The following CAPN8 variants were observed in gnomAD, a reference collection of about 807,000 sequenced individuals.
The protein encoded by CAPN8 is calpain 8, also known as calpain-8.
Under a neutral mutation model 80.9 loss-of-function variants are expected in CAPN8, and 87 were observed. The observed-to-expected ratio is 1.07, with a 90% CI of 0.90 to 1.28. The LOEUF is 1.28. Ranked by LOEUF, CAPN8 falls within the 50% of genes most tolerant of loss-of-function variation. CAPN8 has a pLI of 0.00. For synonymous variants in CAPN8, 299 were observed against 273.8 expected, an observed-to-expected ratio of 1.09 and a Z score of -0.91; for missense variants, 757 against 702.0, an observed-to-expected ratio of 1.08 and a Z score of -0.89.
At chr1:223,545,477 C>A in intron 16 of CAPN8, 178 bp from the exon 17 acceptor site, 2 of 1,010,760 alleles carry the variant, frequency 2.0e-6, no homozygotes, top group Non-Finnish European at 2.8e-6. Flanking sequence ...AAAAGTCAAA[C>A]GTGCACCAAG....
intron 2 of CAPN8, chr1:223,642,820 C>A (rs1445234793): frequency 6.6e-6 from 3 of 456,318 alleles, no homozygotes; most frequent in South Asian, 1.5e-5. Flanking sequence ...GGCCAATTCT[C>A]ATCCATCTCG....
intron 2 of CAPN8, among the ~76,000 whole-genome samples, chr1:223,632,995 C>T (rs1404663200): frequency 1.3e-5 from 2 of 152,184 alleles, no homozygotes; most frequent in Non-Finnish European, 2.9e-5. Context: ...GCTTGCAATC[C>T]CAAGGCTGCA....
chr1:223,558,495 G>A (rs1474894577), intron 12 of CAPN8, among the ~76,000 whole-genome samples: 1 of 152,186 alleles, frequency 6.6e-6, no homozygotes, highest in Non-Finnish European at 1.5e-5. Flanking sequence ...TTCCCCAGAA[G>A]GGTGATCCCT....
intron 3 of CAPN8, among the ~76,000 whole-genome samples, chr1:223,628,441 A>G (rs1233323445): frequency 6.6e-6 from 1 of 152,218 alleles, no homozygotes; most frequent in Non-Finnish European, 1.5e-5. Flanking sequence ...CCTGAAGGCC[A>G]CGTGGCCTAG....
rs1491478999 is a variant in CAPN8 at position 223,629,230 on chromosome 1, GTT to G, written c.308-452_308-451del. ...TGTGTGTGTGTGTGTGTGTGTGTGT[GTT>G]TATGTTCCTTGCCCCTCCTGACCTT... is the stretch of plus-strand genomic sequence containing the variant. On this transcript the variant is annotated intron_variant, in intron 2 of 20. Coordinates refer to ENST00000366872, the MANE Select transcript of CAPN8 (RefSeq NM_001143962.2). Among the ~76,000 whole-genome samples the G allele has an allele frequency of 1.2e-3, 137 of 116,082 alleles. 1 individual carries two copies. Among genetic ancestry groups the G allele is most frequent in the East Asian group, 5.9e-3 (28 of 4,766 alleles). 76.2% of individuals were successfully genotyped at this position (116,082 alleles called of 152,430 possible).
At chr1:223,545,134 C>A in intron 17 of CAPN8, 97 bp downstream of exon 17, 2 of 1,534,730 alleles carry the variant, frequency 1.3e-6, no homozygotes, top group Middle Eastern at 3.4e-4. Context: ...TAGTTTTGAC[C>A]ATGATTAAGG....
At chr1:223,663,996 C>T (rs1658719924) in intron 1 of CAPN8, among the ~76,000 whole-genome samples, 1 of 152,234 alleles carries the variant, frequency 6.6e-6, no homozygotes, top group African/African-American at 2.4e-5. Context: ...CATAGCCCCT[C>T]TCCTGAGACG....
intron 1 of CAPN8, among the ~76,000 whole-genome samples, chr1:223,661,803 G>GTCATATC (rs1398730368): frequency 6.6e-6 from 1 of 152,142 alleles, no homozygotes; most frequent in Non-Finnish European, 1.5e-5. Context: ...CCAGCCATGG[G>GTCATATC]TCATATCTTT....
At chr1:223,612,128 TGA>T in intron 11 of CAPN8, 116 bp downstream of exon 11, 1 of 854,892 alleles carries the variant, frequency 1.2e-6, no homozygotes, top group Non-Finnish European at 1.6e-6. Flanking sequence ...CTGGATCATG[TGA>T]GAGCTGTGGA....
chr1:223,617,915 C>T, intron 9 of CAPN8: 1 of 257,308 alleles, frequency 3.9e-6, no homozygotes, highest in Non-Finnish European at 7.5e-6. Flanking sequence ...CCTCTCTGTT[C>T]AGCACTCTGG....
chr1:223,621,288 G>A (rs1373964776), intron 7 of CAPN8, among the ~76,000 whole-genome samples: 1 of 148,618 alleles, frequency 6.7e-6, no homozygotes, highest in Non-Finnish European at 1.5e-5. Context: ...TCCCTGGGCT[G>A]AGCTTAGGGA....
rs1245535744 is a variant in CAPN8, at chr1:223,651,983, C to T, written c.307+2347G>A. 2.6e-5 allele frequency among the ~76,000 whole-genome samples: 4 copies of T among 152,308 alleles called. No homozygotes were observed. The South Asian group carries it at 6.2e-4, about 24-fold the overall frequency. ...AGGCAGTGAGCAACGGAGTCAGTGGCGTCAACTGGAGACAGTGGGAAACAG... is the reference window on the plus strand; with the variant it reads ...AGGCAGTGAGCAACGGAGTCAGTGGTGTCAACTGGAGACAGTGGGAAACAG... On this transcript the variant is annotated intron_variant, in intron 2 of 20. Transcript: ENST00000366872.
At chr1:223,646,840 G>C (rs1261627229) in intron 2 of CAPN8, among the ~76,000 whole-genome samples, 3 of 152,148 alleles carry the variant, frequency 2.0e-5, no homozygotes, top group African/African-American at 7.2e-5. Context: ...CCTAACACTG[G>C]GGTCTGTGAA....
chr1:223,648,904 A>G (rs1658267844), intron 2 of CAPN8, among the ~76,000 whole-genome samples: 1 of 152,192 alleles, frequency 6.6e-6, no homozygotes, highest in Non-Finnish European at 1.5e-5. Flanking sequence ...GAGACAGAGA[A>G]AGAAACCCCA....
intron 1 of CAPN8, among the ~76,000 whole-genome samples, chr1:223,658,529 A>G (rs1289885453): frequency 6.6e-6 from 1 of 152,102 alleles, no homozygotes; most frequent in African/African-American, 2.4e-5. Flanking sequence ...TGGGCTGGGC[A>G]TGGTGGCTTA....
Position 223,549,347 on chromosome 1 carries a change from T to A in CAPN8, c.1735A>T (p.Thr579Ser), listed in dbSNP as rs769529028. The A allele has an allele frequency of 9.0e-6, 14 of 1,551,570 alleles. No individual in the cohort carries two copies. In the South Asian group the frequency reaches 1.7e-4, roughly 18 times the overall value. The change falls in exon 16 of 21, where the codon ACT becomes TCT. Residue 579 changes from threonine to serine, a missense_variant. Coordinates refer to ENST00000366872, the MANE Select transcript of CAPN8 (RefSeq NM_001143962.2). ...AACAGACTGATCATTTCCCTGCAAG[T>A]GTTGATGTTGAATCCATCGAATTTT... ...DIKFDGFNINTCREMISLLDS... is the reference protein window; with the variant it reads ...DIKFDGFNINSCREMISLLDS...
intron 2 of CAPN8, among the ~76,000 whole-genome samples, chr1:223,646,835 C>T (rs139108873): frequency 3.1e-4 from 47 of 152,320 alleles, no homozygotes; most frequent in Middle Eastern, 3.4e-3. Context: ...CAAGTCCTAA[C>T]ACTGGGGTCT....
rs750999848 is a variant in CAPN8, at chr1:223,545,283, G to C, written c.1781C>G (p.Thr594Ser). ...CGTCTTGAATTCCACCGCCCCCAAA[G>C]TGCCCGTTCCATTGCTCTAGGCACA... ...ISLLDSNGTG[T>S]LGAVEFKTLW... Residue 594 changes from threonine to serine, a missense_variant, in exon 17 of 21, where the codon ACT becomes AGT. Transcript: ENST00000366872. The C allele has an allele frequency of 3.9e-6, 6 of 1,551,494 alleles. No individual in the cohort carries two copies. The highest frequency in any genetic ancestry group is 5.2e-6 in the Non-Finnish European group (6 of 1,146,952).
At chr1:223,622,510 T>A (rs1657427948) in intron 7 of CAPN8, 1 of 386,116 alleles carries the variant, frequency 2.6e-6, no homozygotes, top group East Asian at 5.2e-5. Flanking sequence ...ATTTGACCTT[T>A]GGACCAGCAC....
Sources: gnomAD v4.1 joint callset for allele counts (sites outside exome capture counted in the v4.1 genomes callset) on GRCh38, gnomAD v4.1.1 for gene constraint, MANE v1.5 for transcripts, NCBI Gene and HGNC (gene_info 2026-07-23, HGNC 2026-07-21) for gene names.